Variants in NBPF10 observed in about 807,000 individuals in gnomAD.
NBPF10 encodes NBPF member 10.
Under a neutral mutation model 77.9 loss-of-function variants are expected in NBPF10, and 63 were observed. The ratio of observed to expected loss-of-function variants is 0.81; its 90% CI spans 0.66 to 1.00. NBPF10 has a LOEUF of 1.00. Ranked by LOEUF, NBPF10 falls within the 50% of genes least tolerant of loss-of-function variation. NBPF10 has a pLI of 0.00. For missense variants in NBPF10, 522 were observed against 679.8 expected (o/e 0.77, Z 2.58); for synonymous variants, 146 against 264.5 (o/e 0.55, Z 4.35).
At position 146,126,634 on chromosome 1, in the gene NBPF10, C is replaced by T. The variant is rs56373283; in HGVS notation, c.1854-226G>A. Among the ~76,000 whole-genome samples, 739 of 135,226 alleles carry T rather than the reference C, an allele frequency of 5.5e-3. 16 individuals carry two copies. The highest frequency in any genetic ancestry group is 0.044 in the Middle Eastern group (12 of 270). The allele number at this position is 135,226 out of a possible 152,430, so 88.7% of individuals were successfully genotyped here. On this transcript the variant is annotated intron_variant, in intron 13 of 89. Coordinates refer to ENST00000583866, the Ensembl canonical transcript of NBPF10. ...ACACACACACACACACACACACACA[C>T]AGAGCGAGCTCAGTCAATTGGTCAG...
rs1372858214 is a variant in NBPF10 at position 146,125,889 on chromosome 1, A to G, written c.2026+347T>C. Among the ~76,000 whole-genome samples, 4 of 151,382 alleles carry G rather than the reference A, an allele frequency of 2.6e-5. No individual in the cohort carries two copies. In the East Asian group the frequency reaches 5.8e-4, roughly 22 times the overall value. On this transcript the variant is annotated intron_variant, in intron 14 of 89. Coordinates refer to ENST00000583866, the Ensembl canonical transcript of NBPF10. ...ACTCAGATTGTTCATGGTAGCGAGG[A>G]TTTTAGACGCTGAAATTAGAGTAAA... is the stretch of plus-strand genomic sequence containing the variant.
intron 6 of NBPF10, among the ~76,000 whole-genome samples, 190 bp from the exon 7 acceptor site, chr1:146,136,645 G>A (rs1553795085): frequency 7.0e-6 from 1 of 143,694 alleles, no homozygotes; most frequent in East Asian, 2.1e-4. Context: ...AAAATTTAGA[G>A]ATGAAGAAAG....
intron 7 of NBPF10, among the ~76,000 whole-genome samples, chr1:146,136,098 T>G (rs1281379265): frequency 2.4e-4 from 36 of 149,064 alleles, no homozygotes; most frequent in East Asian, 6.0e-4. Context: ...CTCCTTTGGT[T>G]AATTTTGTGT....
At chr1:146,124,833 T>C in exon 16 of NBPF10, 1 of 4,010 alleles carries the variant, frequency 2.5e-4, no homozygotes, top group South Asian at 1.1e-3. Context: ...CTTCAGGCTC[T>C]TTCTCATCCA....
intron 13 of NBPF10, among the ~76,000 whole-genome samples, 181 bp from the exon 14 acceptor site, chr1:146,126,589 C>A (rs868928075): frequency 2.7e-4 from 28 of 105,308 alleles, no homozygotes; most frequent in African/African-American, 3.2e-4. Flanking sequence ...AAAGGATGAA[C>A]GAGAAAGACA....
At chr1:146,080,995 A>G (rs1329888187) in intron 71 of NBPF10, among the ~76,000 whole-genome samples, 1 of 79,746 alleles carries the variant, frequency 1.3e-5, no homozygotes, top group East Asian at 2.9e-4. Flanking sequence ...ACACACACAC[A>G]CACACACACA....
At chr1:146,136,751 CG>C (rs1246369512) in intron 6 of NBPF10, among the ~76,000 whole-genome samples, 3 of 145,140 alleles carry the variant, frequency 2.1e-5, no homozygotes, top group African/African-American at 5.5e-5. Context: ...ACTCTGAATG[CG>C]GGGCCACTTT....
At chr1:146,134,260 C>T (rs1158989232) in exon 9 of NBPF10, 3 of 1,603,292 alleles carry the variant, frequency 1.9e-6, no homozygotes, top group African/African-American at 1.4e-5. Context: ...TCATCGTTGT[C>T]ATTTTCTGCA....
chr1:146,139,036 A>G (rs6690802), intron 5 of NBPF10, among the ~76,000 whole-genome samples: 2 of 133,328 alleles, frequency 1.5e-5, no homozygotes, highest in Non-Finnish European at 1.7e-5. Context: ...CGCCCACCTC[A>G]GCCTCCCAAA....
intron 15 of NBPF10, among the ~76,000 whole-genome samples, chr1:146,125,154 C>G (rs1334975984): frequency 4.2e-5 from 1 of 24,092 alleles, no homozygotes; most frequent in East Asian, 6.9e-4. Flanking sequence ...TGAGTTAGTG[C>G]CCTCGGGACA....
In NBPF10 at chr1:146,138,874, G is replaced by A. The variant is rs322075; in HGVS notation, c.779-429C>T. On this transcript the variant is annotated intron_variant, in intron 5 of 89. Coordinates refer to ENST00000583866, the Ensembl canonical transcript of NBPF10. ...ATCTCAGCTCACTGCCACCTCTGCCGCCCGGGTTCAAGCGATTCTCATCCC... is the reference window on the plus strand; with the variant it reads ...ATCTCAGCTCACTGCCACCTCTGCCACCCGGGTTCAAGCGATTCTCATCCC... 3.8e-4 allele frequency among the ~76,000 whole-genome samples: 45 copies of A among 119,366 alleles called. No homozygotes were observed. The South Asian group carries it at 4.8e-3, about 13-fold the overall frequency. The allele number at this position is 119,366 out of a possible 152,430, so 78.3% of individuals were successfully genotyped here.
chr1:146,067,743 T>A (rs1342921876), intron 88 of NBPF10, among the ~76,000 whole-genome samples: 1 of 150,922 alleles, frequency 6.6e-6, no homozygotes, highest in Non-Finnish European at 1.5e-5. Flanking sequence ...TTGTCACATC[T>A]GCCCAGGTCC....
At position 146,125,582 on chromosome 1, in the gene NBPF10, G is replaced by C. The variant is rs1458642960; in HGVS notation, c.2027-66C>G. ...TCTCCTACACACATAACAATCCACT[G>C]TCTAATCCTCACACAGGGACTTCAG... On this transcript the variant is annotated intron_variant, in intron 14 of 89. Transcript: ENST00000583866. 8 of 610,096 alleles carry C rather than the reference G, an allele frequency of 1.3e-5. No individual in the cohort carries two copies. In the African/African-American group the frequency reaches 1.5e-4, roughly 11 times the overall value. The allele number at this position is 610,096 out of a possible 1,614,324, so 37.8% of individuals were successfully genotyped here.
At position 146,136,347 on chromosome 1, in the gene NBPF10, C is replaced by T. The variant is rs1553794916; in HGVS notation, c.1091+6G>A. The T allele has an allele frequency of 7.1e-7, 1 of 1,414,466 alleles. No individual in the cohort carries two copies. The highest frequency in any genetic ancestry group is 1.8e-5 in the Admixed American group (1 of 56,432). The allele number at this position is 1,414,466 out of a possible 1,614,324, so 87.6% of individuals were successfully genotyped here. A position where few individuals can be genotyped will look rare whatever the true frequency, so the allele number is the denominator to read the frequency against. The stretch of plus-strand genomic sequence containing the variant: ...GCCCCTGCCTGCCCCCATGGGGTCC[C>T]CTCACCTGAGCTCCTCAGCTTGCTT... On this transcript the variant is annotated splice_donor_region_variant and intron_variant, in intron 7 of 89. Coordinates refer to ENST00000583866, the Ensembl canonical transcript of NBPF10.
intron 13 of NBPF10, among the ~76,000 whole-genome samples, chr1:146,126,616 C>CAG (rs1189570741): frequency 4.3e-4 from 61 of 141,566 alleles, no homozygotes; most frequent in African/African-American, 1.5e-3. Flanking sequence ...CACACACACA[C>CAG]ACACACACAC....
chr1:146,066,767 G>A (rs1280505039), intron 89 of NBPF10, among the ~76,000 whole-genome samples: 5 of 151,168 alleles, frequency 3.3e-5, no homozygotes, highest in African/African-American at 1.2e-4. Context: ...CAGAGAGAGA[G>A]AGACAGAGAC....
At chr1:146,139,321 G>A (rs1660051277) in intron 5 of NBPF10, among the ~76,000 whole-genome samples, 1 of 151,638 alleles carries the variant, frequency 6.6e-6, no homozygotes, top group Non-Finnish European at 1.5e-5. Flanking sequence ...GTGTTAGCCA[G>A]GATGGTCTCA....
intron 29 of NBPF10, among the ~76,000 whole-genome samples, 159 bp from the exon 30 acceptor site, chr1:146,113,983 A>G (rs1391031662): frequency 0.012 from 123 of 9,900 alleles, 1 homozygote; most frequent in African/African-American, 0.031. Context: ...GGGACAGAAC[A>G]GGGCCAAATG....
At chr1:146,126,429 AAAG>A in intron 13 of NBPF10, 21 bp from the exon 14 acceptor site, 1 of 1,033,806 alleles carries the variant, frequency 9.7e-7, no homozygotes, top group Non-Finnish European at 1.5e-6. Context: ...AGGAAAAAGT[AAAG>A]AATAAGCCAG....
Sources: allele counts gnomAD v4.1 joint callset (sites outside exome capture counted in the v4.1 genomes callset), GRCh38; gene constraint gnomAD v4.1.1; transcripts MANE v1.5; gene names NCBI Gene and HGNC (gene_info 2026-07-23, HGNC 2026-07-21).